Variants in SLC2A13 observed in about 807,000 individuals in gnomAD.
SLC2A13 encodes the protein solute carrier family 2 member 13, also known as proton myo-inositol cotransporter.
In SLC2A13, 32 loss-of-function variants were observed where a neutral mutation model predicts 64.4. That is an observed-to-expected ratio of 0.50 (90% CI 0.37 to 0.67). The LOEUF (loss-of-function observed/expected upper bound fraction) is 0.67. Ranked by LOEUF, SLC2A13 falls within the 30% of genes least tolerant of loss-of-function variation. SLC2A13 has a pLI of 0.00. For missense variants in SLC2A13, 743 were observed against 829.2 expected (o/e 0.90, Z 1.28); for synonymous variants, 338 against 327.1 (o/e 1.03, Z -0.36).
At chr12:39,990,130 T>C (rs991741944) in intron 3 of SLC2A13, among the ~76,000 whole-genome samples, 2 of 152,192 alleles carry the variant, frequency 1.3e-5, no homozygotes, top group African/African-American at 4.8e-5. Flanking sequence ...CCTATGGCCA[T>C]GTATTCTGGA....
chr12:39,896,259 T>C (rs1202755806), intron 4 of SLC2A13, among the ~76,000 whole-genome samples: 4 of 87,858 alleles, frequency 4.6e-5, no homozygotes, highest in South Asian at 3.4e-4. Context: ...CATGTATGTA[T>C]ATGTGTGTAT....
At chr12:40,053,733 G>A (rs953071334) in intron 1 of SLC2A13, among the ~76,000 whole-genome samples, 9 of 152,092 alleles carry the variant, frequency 5.9e-5, no homozygotes, top group South Asian at 2.1e-4. Flanking sequence ...CCTTAAAACC[G>A]CTTTATGAAA....
intron 7 of SLC2A13, among the ~76,000 whole-genome samples, chr12:39,824,827 G>A (rs1312245781): frequency 6.6e-6 from 1 of 152,074 alleles, no homozygotes; most frequent in Non-Finnish European, 1.5e-5. Flanking sequence ...CAAGGAAAAA[G>A]GGACATCTAA....
At chr12:39,935,024 A>C (rs888188022) in intron 4 of SLC2A13, among the ~76,000 whole-genome samples, 1 of 152,226 alleles carries the variant, frequency 6.6e-6, no homozygotes, top group African/African-American at 2.4e-5. Context: ...ACCTGCCCTC[A>C]GAAAGAAGGA....
intron 4 of SLC2A13, among the ~76,000 whole-genome samples, chr12:39,879,440 C>T (rs1365016371): frequency 1.3e-5 from 2 of 152,232 alleles, no homozygotes; most frequent in Non-Finnish European, 2.9e-5. Flanking sequence ...TGCAAAGCCA[C>T]AAGGGTAAAG....
chr12:39,966,912 T>C (rs774157556), intron 3 of SLC2A13, among the ~76,000 whole-genome samples: 1 of 152,176 alleles, frequency 6.6e-6, no homozygotes, highest in Non-Finnish European at 1.5e-5. Context: ...ATCATAATTC[T>C]ACTTGATATG....
intron 7 of SLC2A13, among the ~76,000 whole-genome samples, chr12:39,814,444 A>G (rs1257774704): frequency 1.3e-5 from 2 of 152,190 alleles, no homozygotes. Context: ...TTATTGTATC[A>G]AGTAACACAC....
intron 7 of SLC2A13, among the ~76,000 whole-genome samples, chr12:39,821,633 A>G (rs1231476862): frequency 6.6e-6 from 1 of 152,206 alleles, no homozygotes; most frequent in East Asian, 1.9e-4. Flanking sequence ...CTAATGGAAC[A>G]CCTTCTATTT....
intron 1 of SLC2A13, among the ~76,000 whole-genome samples, chr12:40,058,007 T>C (rs954827538): frequency 1.3e-5 from 2 of 151,930 alleles, no homozygotes; most frequent in Non-Finnish European, 2.9e-5. Context: ...GGCATACAAA[T>C]GTCCCTATGC....
chr12:40,025,249 CCAGAG>C (rs1947784613), intron 3 of SLC2A13, among the ~76,000 whole-genome samples: 1 of 152,182 alleles, frequency 6.6e-6, no homozygotes, highest in Non-Finnish European at 1.5e-5. Flanking sequence ...GCTGACATGG[CCAGAG>C]CAACTGCCAT....
rs966379014 is a variant in SLC2A13, at chr12:39,896,578, G to A, written c.1035-24617C>T. On this transcript the variant is annotated intron_variant, in intron 4 of 9. Transcript: ENST00000280871. ...CATGTATACATATATGTATGTATGT[G>A]TGTATATATGTATACATATATGTAT... is the stretch of plus-strand genomic sequence containing the variant. Among the ~76,000 whole-genome samples the A allele has an allele frequency of 2.9e-4, 41 of 141,838 alleles. 1 individual carries two copies. The highest frequency in any genetic ancestry group is 2.6e-3 in the South Asian group (12 of 4,556). 93.1% of individuals were successfully genotyped at this position (141,838 alleles called of 152,430 possible). A position where few individuals can be genotyped will look rare whatever the true frequency, so the allele number is the denominator to read the frequency against.
At chr12:39,823,615 A>G (rs1028654162) in intron 7 of SLC2A13, among the ~76,000 whole-genome samples, 9 of 144,876 alleles carry the variant, frequency 6.2e-5, no homozygotes, top group Non-Finnish European at 1.3e-4. Context: ...CAGGATGATG[A>G]TGATATTATT....
chr12:39,951,472 A>T, intron 3 of SLC2A13, 107 bp from the exon 4 acceptor site: 1 of 736,542 alleles, frequency 1.4e-6, no homozygotes, highest in East Asian at 3.0e-5. Context: ...AATCAACATG[A>T]CTGGGCATTT....
chr12:39,812,996 A>ATTTTTTTTTTTTTTTTTTTTTTTTTT lies in SLC2A13; in HGVS notation c.1445+17081_1445+17106dup, dbSNP rs71449493. ...AGGCGCCTGACATCATGCCCAGCTA[A>ATTTTTTTTTTTTTTTTTTTTTTTTTT]TTTTTTTTTTTTTTTTTTTTTTTTT... On this transcript the variant is annotated intron_variant, in intron 7 of 9. Transcript: ENST00000280871. Among the ~76,000 whole-genome samples, 2 of 40,602 alleles carry ATTTTTTTTTTTTTTTTTTTTTTTTTT rather than the reference A, an allele frequency of 4.9e-5. 1 individual carries two copies. Among genetic ancestry groups the ATTTTTTTTTTTTTTTTTTTTTTTTTT allele is most frequent in the East Asian group, 2.0e-3 (2 of 1,004 alleles). 26.6% of individuals were successfully genotyped at this position (40,602 alleles called of 152,430 possible).
At chr12:40,093,813 G>C (rs748007906) in intron 1 of SLC2A13, among the ~76,000 whole-genome samples, 8 of 152,156 alleles carry the variant, frequency 5.3e-5, no homozygotes, top group Non-Finnish European at 1.2e-4. Flanking sequence ...CAAAGAAGAA[G>C]TGGGGATGGG....
intron 3 of SLC2A13, among the ~76,000 whole-genome samples, chr12:40,007,091 A>C (rs569204116): frequency 6.6e-6 from 1 of 152,068 alleles, no homozygotes; most frequent in Non-Finnish European, 1.5e-5. Flanking sequence ...ACTAAAGTTG[A>C]CCCAGTATAA....
chr12:39,955,172 T>C (rs1946295052), intron 3 of SLC2A13, among the ~76,000 whole-genome samples: 2 of 152,146 alleles, frequency 1.3e-5, no homozygotes, highest in Admixed American at 1.3e-4. Flanking sequence ...ATTAAGAATA[T>C]CCTGACCATA....
intron 7 of SLC2A13, among the ~76,000 whole-genome samples, chr12:39,777,345 G>T (rs1415438815): frequency 6.6e-6 from 1 of 152,152 alleles, no homozygotes; most frequent in Non-Finnish European, 1.5e-5. Flanking sequence ...AATAAAATGA[G>T]TTTATTTAGA....
rs1592276166 is a variant in SLC2A13, at chr12:39,910,517, CTAATGGGCTTGCCTCCTG to C, written c.1035-38574_1035-38557del. 2.6e-5 allele frequency among the ~76,000 whole-genome samples: 4 copies of C among 152,140 alleles called. No individual in the cohort carries two copies. In the East Asian group the frequency reaches 7.7e-4, roughly 29 times the overall value. ...TTAATATATGAATACATTTGGAATA[CTAATGGGCTTGCCTCCTG>C]TTAGATGGATATTCTCTTCTGTTCT... On this transcript the variant is annotated intron_variant, in intron 4 of 9. Transcript: ENST00000280871.
Sources: allele counts gnomAD v4.1 joint callset (sites outside exome capture counted in the v4.1 genomes callset), GRCh38; gene constraint gnomAD v4.1.1; transcripts MANE v1.5; gene names NCBI Gene and HGNC (gene_info 2026-07-23, HGNC 2026-07-21).